Variants in CEP350 observed in about 807,000 individuals in gnomAD.
The protein encoded by CEP350 is centrosome-associated protein 350.
Under a neutral mutation model 331.8 loss-of-function variants are expected in CEP350, and 126 were observed. The observed-to-expected ratio is 0.38, with a 90% confidence interval of 0.33 to 0.44. The LOEUF is 0.44. CEP350 is among the 20% of genes least tolerant of loss of function. The probability of loss-of-function intolerance (pLI) is 1.00; values close to 1 mark genes in which losing one functional copy is unlikely to be tolerated. For missense variants in CEP350, 3,406 were observed against 3,634.6 expected, an observed-to-expected ratio of 0.94 and a Z score of 1.62; for synonymous variants, 1,200 against 1,259.5, an observed-to-expected ratio of 0.95 and a Z score of 1.00.
chr1:179,962,183 A>G (rs897939571), intron 1 of CEP350, among the ~76,000 whole-genome samples: 8 of 151,774 alleles, frequency 5.3e-5, no homozygotes, highest in Non-Finnish European at 8.8e-5. Context: ...TCTTATTTTC[A>G]TCTTTATGTC....
chr1:180,031,108 T>A (rs1279326188), intron 14 of CEP350, among the ~76,000 whole-genome samples: 2 of 152,098 alleles, frequency 1.3e-5, no homozygotes, highest in African/African-American at 4.8e-5. Flanking sequence ...GCAAGTGGAA[T>A]TAATGGAAGA....
In CEP350 at chr1:180,112,087, A is replaced by C. The variant is rs749140917; in HGVS notation, c.*926A>C. 1 of 152,674 alleles carries C rather than the reference A, an allele frequency of 6.5e-6. No homozygotes were observed. Among genetic ancestry groups the C allele is most frequent in the Non-Finnish European group, 1.5e-5 (1 of 68,044 alleles). 9.5% of individuals were successfully genotyped at this position (152,674 alleles called of 1,614,324 possible). ...GATGCTGTTACTTGAATGATTTAGGAAATGAGTGTGTGCACCAAAGACAAA... is the reference window on the plus strand; with the variant it reads ...GATGCTGTTACTTGAATGATTTAGGCAATGAGTGTGTGCACCAAAGACAAA... On this transcript the variant is annotated 3_prime_UTR_variant, in exon 38 of 38. Coordinates refer to ENST00000367607, the MANE Select transcript of CEP350 (RefSeq NM_014810.5).
At chr1:180,063,186 CTTTTTTT>C (rs35572192) in intron 26 of CEP350, among the ~76,000 whole-genome samples, 1 of 106,966 alleles carries the variant, frequency 9.3e-6, no homozygotes, top group African/African-American at 3.6e-5. Context: ...AAATTTGAAA[CTTTTTTT>C]TTTTTTTTTT....
intron 14 of CEP350, among the ~76,000 whole-genome samples, chr1:180,027,697 A>G: frequency 6.6e-6 from 1 of 152,100 alleles, no homozygotes; most frequent in East Asian, 1.9e-4. Context: ...TTATTTGAAT[A>G]TATTATAATT....
chr1:179,993,283 G>A (rs1421136838), intron 5 of CEP350, among the ~76,000 whole-genome samples: 1 of 151,980 alleles, frequency 6.6e-6, no homozygotes, highest in African/African-American at 2.4e-5. Flanking sequence ...TCGAAGTTTA[G>A]AATCTCTAAA....
rs753048562 is a variant in CEP350, at chr1:180,013,926, G to A, written c.1473G>A (p.Ser491=). The change falls in exon 10 of 38, where the codon TCG becomes TCA. Residue 491 remains serine, a synonymous_variant. Coordinates refer to ENST00000367607, the MANE Select transcript of CEP350 (RefSeq NM_014810.5). ...ATCTTCAAAGAAACTCAGAACGTTC[G>A]AGAAGTAAATCTCGGTCTGAAAATA... The part of the protein sequence containing the change: ...HRHLQRNSER[S]RSKSRSENNI... The A allele has an allele frequency of 6.2e-6, 10 of 1,613,696 alleles. No homozygotes were observed. The African/African-American group carries it at 6.7e-5, about 11-fold the overall frequency.
chr1:180,089,712 G>T (rs1660060842), intron 32 of CEP350, among the ~76,000 whole-genome samples: 2 of 152,156 alleles, frequency 1.3e-5, no homozygotes, highest in African/African-American at 2.4e-5. Context: ...GGAAAAGGTG[G>T]TTTTCTGTGG....
At position 180,062,299 on chromosome 1, in the gene CEP350, T is replaced by C. The variant is rs992729799; in HGVS notation, c.5342T>C (p.Ile1781Thr). 6.2e-7 allele frequency: 1 copy of C among 1,611,044 alleles called. No homozygotes were observed. Among genetic ancestry groups the C allele is most frequent in the African/African-American group, 1.3e-5 (1 of 74,970 alleles). The change falls in exon 26 of 38, where the codon ATA (isoleucine) becomes ACA (threonine). Residue 1781 changes from isoleucine to threonine, a missense_variant. By Grantham distance (89) the Ile-to-Thr change is moderately conservative. Coordinates refer to ENST00000367607, the MANE Select transcript of CEP350 (RefSeq NM_014810.5). ...RQLILKQQEE[I>T]EKIRQTTIKL... Reference sequence around the variant, plus strand: ...CTGATTCTTAAACAGCAGGAGGAGATAGAAAAGATCCGACAGACCACCATA... The same window carrying C: ...CTGATTCTTAAACAGCAGGAGGAGACAGAAAAGATCCGACAGACCACCATA...
At chr1:179,972,942 A>G (rs2148604510) in intron 1 of CEP350, among the ~76,000 whole-genome samples, 1 of 148,690 alleles carries the variant, frequency 6.7e-6, no homozygotes, top group South Asian at 2.1e-4. Context: ...ATCTCGGCTC[A>G]CTGCAAGCTC....
rs117103708 is a variant in CEP350 at position 180,055,383 on chromosome 1, C to G, written c.5262+881C>G. ...GTGCCTGGTAAGTATTCAATAGATT[C>G]CAGTTTTTTTCCCCATATTAACCTG... On this transcript the variant is annotated intron_variant, in intron 25 of 37. Coordinates refer to ENST00000367607, the MANE Select transcript of CEP350 (RefSeq NM_014810.5). Among the ~76,000 whole-genome samples, 17 of 152,044 alleles carry G rather than the reference C, an allele frequency of 1.1e-4. No homozygotes were observed. The East Asian group carries it at 3.3e-3, about 29-fold the overall frequency.
At chr1:180,050,042 G>A (rs931091818) in intron 22 of CEP350, among the ~76,000 whole-genome samples, 3 of 152,134 alleles carry the variant, frequency 2.0e-5, no homozygotes, top group Non-Finnish European at 4.4e-5. Context: ...TTGAGGAAAT[G>A]GAGTTAGGAA....
chr1:179,990,338 C>T (rs1252242475), intron 3 of CEP350, among the ~76,000 whole-genome samples, 169 bp from the exon 4 acceptor site: 2 of 152,086 alleles, frequency 1.3e-5, no homozygotes, highest in African/African-American at 4.8e-5. Flanking sequence ...GTTATTATAG[C>T]TAAAGTAAAA....
intron 22 of CEP350, among the ~76,000 whole-genome samples, chr1:180,051,330 A>G (rs764911117): frequency 2.6e-5 from 4 of 152,324 alleles, no homozygotes; most frequent in Non-Finnish European, 4.4e-5. Context: ...GAATTTTACT[A>G]AGTGAAAAAG....
intron 1 of CEP350, chr1:179,968,538 G>A: frequency 3.1e-6 from 1 of 325,480 alleles, no homozygotes; most frequent in South Asian, 2.7e-5. Flanking sequence ...TCCTTAAACA[G>A]CCTCTCAGTT....
Position 179,974,193 on chromosome 1 carries a change from C to T in CEP350, c.-13-11976C>T, listed in dbSNP as rs549651691. On this transcript the variant is annotated intron_variant, in intron 1 of 37. Coordinates refer to ENST00000367607, the MANE Select transcript of CEP350 (RefSeq NM_014810.5). ...CTCTCGGGTTCATGCCATTCTCCTG[C>T]CTCAGCCTCCCACGTAGCTGGGACC... 1.1e-3 allele frequency among the ~76,000 whole-genome samples: 173 copies of T among 152,232 alleles called. 1 individual carries two copies. The highest frequency in any genetic ancestry group is 4.0e-3 in the African/African-American group (165 of 41,550).
intron 25 of CEP350, among the ~76,000 whole-genome samples, chr1:180,057,544 C>T (rs1657938341): frequency 6.6e-6 from 1 of 151,294 alleles, no homozygotes; most frequent in South Asian, 2.1e-4. Context: ...TATCGTATGG[C>T]CCCTTTTCTT....
chr1:180,043,340 A>G, intron 20 of CEP350, 148 bp downstream of exon 20: 1 of 953,870 alleles, frequency 1.0e-6, no homozygotes. Context: ...GAAGATAAAC[A>G]TTACTCAAAT....
At chr1:180,104,210 AGTT>A (rs1661015586) in intron 37 of CEP350, among the ~76,000 whole-genome samples, 1 of 150,870 alleles carries the variant, frequency 6.6e-6, no homozygotes, top group Non-Finnish European at 1.5e-5. Context: ...TTTCTTGTAG[AGTT>A]GTTTTTTGTT....
intron 37 of CEP350, among the ~76,000 whole-genome samples, chr1:180,102,103 G>C (rs1014227916): frequency 1.3e-5 from 2 of 152,000 alleles, no homozygotes; most frequent in Non-Finnish European, 2.9e-5. Context: ...AAAGGAGGGC[G>C]GGCCTGCCAC....
Sources: gnomAD v4.1 joint callset for allele counts (sites outside exome capture counted in the v4.1 genomes callset) on GRCh38, gnomAD v4.1.1 for gene constraint, MANE v1.5 for transcripts, NCBI Gene and HGNC (gene_info 2026-07-23, HGNC 2026-07-21) for gene names.